CXorf66: variants seen among roughly 807,000 people sequenced by gnomAD.
CXorf66 encodes chromosome X open reading frame 66.
Under a neutral mutation model 5.0 loss-of-function variants are expected in CXorf66, and 6 were observed. That is an observed-to-expected ratio of 1.20 (90% CI 0.65 to 2.36). The LOEUF is 2.36. Among genes scored for constraint, CXorf66 ranks in the 30% most tolerant of loss-of-function variants. CXorf66 has a pLI of 0.00. For synonymous variants in CXorf66, 98 were observed against 102.8 expected (o/e 0.95, Z 0.28); for missense variants, 270 against 254.9 (o/e 1.06, Z -0.40).
At chrX:139,963,215 C>A (rs2085600563) in intron 1 of CXorf66, among the ~76,000 whole-genome samples, 1 of 111,958 alleles carries the variant, frequency 8.9e-6, no homozygotes, top group Non-Finnish European at 1.9e-5. Context: ...TCAGCAAAGT[C>A]TCAGGATACA....
Position 139,955,882 on chromosome X carries a change from T to C in CXorf66, c.*14A>G. ...TTTGCTCTTTCACACTTGGATTTTA[T>C]TTTTGTTGAGCTCCTAATCATTTAG... On this transcript the variant is annotated 3_prime_UTR_variant, in exon 3 of 3. Coordinates refer to ENST00000370540, the MANE Select transcript of CXorf66 (RefSeq NM_001013403.3). The C allele has an allele frequency of 8.6e-7, 1 of 1,162,121 alleles. No individual in the cohort carries two copies. Among genetic ancestry groups the C allele is most frequent in the Non-Finnish European group, 1.1e-6 (1 of 872,727 alleles).
At chrX:139,960,357 T>C (rs944490234) in intron 1 of CXorf66, among the ~76,000 whole-genome samples, 1 of 108,372 alleles carries the variant, frequency 9.2e-6, no homozygotes, top group African/African-American at 3.4e-5. Context: ...TGAAATAAGG[T>C]GTGAAAACAG....
At chrX:139,965,332 G>T in intron 1 of CXorf66, 77 bp downstream of exon 1, 2 of 681,968 alleles carry the variant, frequency 2.9e-6, no homozygotes, top group Non-Finnish European at 4.5e-6. Context: ...CTTAAATACA[G>T]CTGGCGTTTC....
chrX:139,960,725 G>T (rs892517090), intron 1 of CXorf66, among the ~76,000 whole-genome samples: 5 of 111,679 alleles, frequency 4.5e-5, no homozygotes, highest in African/African-American at 1.6e-4. Context: ...ACTAACAGAG[G>T]ATCTCTCTGC....
At chrX:139,958,300 A>C in intron 1 of CXorf66, 83 bp from the exon 2 acceptor site, 1 of 612,974 alleles carries the variant, frequency 1.6e-6, no homozygotes. Context: ...AGTGTAGATC[A>C]AAATAACATT....
At chrX:139,961,573 A>G (rs1052965769) in intron 1 of CXorf66, among the ~76,000 whole-genome samples, 8 of 112,159 alleles carry the variant, frequency 7.1e-5, no homozygotes, top group African/African-American at 2.3e-4. Flanking sequence ...GCTCTGGACC[A>G]AGTGGACCTA....
At chrX:139,960,513 T>C (rs1184687508) in intron 1 of CXorf66, among the ~76,000 whole-genome samples, 2 of 111,006 alleles carry the variant, frequency 1.8e-5, no homozygotes, top group Non-Finnish European at 3.8e-5. Context: ...CTTCAGGATA[T>C]TATCCAGGAG....
At chrX:139,962,510 C>G (rs1006362847) in intron 1 of CXorf66, among the ~76,000 whole-genome samples, 4 of 111,581 alleles carry the variant, frequency 3.6e-5, no homozygotes, top group African/African-American at 1.3e-4. Context: ...GGAGCTGGTA[C>G]CATTCCTTCT....
Position 139,956,692 on chromosome X carries a change from C to T in CXorf66, c.290G>A (p.Ser97Asn). 1 of 1,210,003 alleles carries T rather than the reference C, an allele frequency of 8.3e-7. No individual in the cohort carries two copies. Among genetic ancestry groups the T allele is most frequent in the Non-Finnish European group, 1.1e-6 (1 of 894,233 alleles). ...GCATTGAGAGGCTGTCTTGGCTTCA[C>T]TGAATGATGTTTTAGATGACTTGGC... ...IAAKSSKTSF[S>N]EAKTASQCSP... Residue 97 changes from serine to asparagine, a missense_variant, in exon 3 of 3, where the codon AGT becomes AAT. Coordinates refer to ENST00000370540, the MANE Select transcript of CXorf66 (RefSeq NM_001013403.3).
At chrX:139,956,864 C>A in intron 2 of CXorf66, 125 bp from the exon 3 acceptor site, 2 of 666,120 alleles carry the variant, frequency 3.0e-6, no homozygotes, top group Non-Finnish European at 4.5e-6. Flanking sequence ...AAACTGAACA[C>A]AGTAAGAATC....
At chrX:139,964,173 G>T in intron 1 of CXorf66, among the ~76,000 whole-genome samples, 1 of 111,908 alleles carries the variant, frequency 8.9e-6, no homozygotes, top group Non-Finnish European at 1.9e-5. Flanking sequence ...ATCTGAGAAA[G>T]GGCTAATATC....
chrX:139,958,901 T>A (rs1470359532), intron 1 of CXorf66, among the ~76,000 whole-genome samples: 4 of 112,393 alleles, frequency 3.6e-5, no homozygotes, highest in Non-Finnish European at 7.5e-5. Context: ...TACTACGCTT[T>A]TCCCATGGTT....
At chrX:139,957,994 A>G in intron 2 of CXorf66, 70 bp downstream of exon 2, 1 of 1,020,033 alleles carries the variant, frequency 9.8e-7, no homozygotes, top group Non-Finnish European at 1.3e-6. Context: ...AACCTGAACA[A>G]CAATGAAACC....
At chrX:139,957,123 T>C (rs5955142) in intron 2 of CXorf66, among the ~76,000 whole-genome samples, 28,860 of 110,710 alleles carry the variant, frequency 0.26, 5,097 homozygotes, top group African/African-American at 0.63. Context: ...GCCGAGATCA[T>C]GCCATTGCAC....
At chrX:139,962,169 C>T (rs1398819894) in intron 1 of CXorf66, among the ~76,000 whole-genome samples, 1 of 110,789 alleles carries the variant, frequency 9.0e-6, no homozygotes, top group African/African-American at 3.3e-5. Flanking sequence ...AATATATAGA[C>T]CACTAGCCAG....
At position 139,956,233 on chromosome X, in the gene CXorf66, C is replaced by A. The variant is rs774271224; in HGVS notation, c.749G>T (p.Ser250Ile). 1.7e-6 allele frequency: 2 copies of A among 1,211,760 alleles called. No homozygotes were observed. The highest frequency in any genetic ancestry group is 3.5e-5 in the South Asian group (2 of 57,005). The change falls in exon 3 of 3, where the codon AGT becomes ATT. Residue 250 changes from serine to isoleucine, a missense_variant. Transcript: ENST00000370540. ...GGATAATAAGGCTGCCCTGCCTAGA[C>A]TCACTGACCTTTTTGGATTAAAATG... ...PKHFNPKRSV[S>I]LGRAALLSNS... is the part of the protein sequence containing the mutation.
At chrX:139,961,576 T>A (rs181656369) in intron 1 of CXorf66, among the ~76,000 whole-genome samples, 2 of 111,459 alleles carry the variant, frequency 1.8e-5, no homozygotes, top group East Asian at 5.6e-4. Context: ...CTGGACCAAG[T>A]GGACCTAATA....
Position 139,958,175 on chromosome X carries a change from A to T in CXorf66, c.131T>A (p.Leu44His), listed in dbSNP as rs768906047. ...AACTAAAATGAGTAGATTTCTTCTA[A>T]GGTAGTTCAATTTTGTCTGCATTGA... is the stretch of plus-strand genomic sequence containing the variant. ...VESMQTKLNYLRRNLLILVGI... is the reference protein window; with the variant it reads ...VESMQTKLNYHRRNLLILVGI... Residue 44 changes from leucine (L) to histidine (H), a missense_variant, in exon 2 of 3, where the codon CTT becomes CAT. By Grantham distance (99) the Leu-to-His change is moderately conservative. Coordinates refer to ENST00000370540, the MANE Select transcript of CXorf66 (RefSeq NM_001013403.3). 11 of 1,191,947 alleles carry T rather than the reference A, an allele frequency of 9.2e-6. No homozygotes were observed. The East Asian group carries it at 3.3e-4, about 36-fold the overall frequency.
intron 1 of CXorf66, among the ~76,000 whole-genome samples, chrX:139,963,851 G>T (rs746696663): frequency 1.8e-5 from 2 of 111,904 alleles, no homozygotes; most frequent in South Asian, 7.5e-4. Context: ...GACAAAACTG[G>T]CTAGCCATGT....
Sources: gnomAD v4.1 joint callset for allele counts (sites outside exome capture counted in the v4.1 genomes callset) on GRCh38, gnomAD v4.1.1 for gene constraint, MANE v1.5 for transcripts, NCBI Gene and HGNC (gene_info 2026-07-23, HGNC 2026-07-21) for gene names.